The following CASK variants were observed in gnomAD, a reference collection of about 807,000 sequenced individuals.
CASK encodes the protein calcium/calmodulin dependent serine protein kinase.
A neutral mutation model predicts 82.9 loss-of-function variants in CASK; 4 were observed. The ratio of observed to expected loss-of-function variants is 0.05; its 90% CI spans 0.02 to 0.11. The LOEUF (loss-of-function observed/expected upper bound fraction) is 0.11, where lower values mean the gene tolerates loss of function less well. Ranked by LOEUF, CASK falls within the 10% of genes least tolerant of loss-of-function variation. CASK has a pLI of 1.00. For missense variants in CASK, 358 were observed against 720.9 expected (o/e 0.50, Z 5.76); for synonymous variants, 259 against 253.5 (o/e 1.02, Z -0.20).
chrX:41,630,726 T>C (rs1438956164), intron 9 of CASK, among the ~76,000 whole-genome samples: 1 of 110,384 alleles, frequency 9.1e-6, no homozygotes, highest in Non-Finnish European at 1.9e-5. Flanking sequence ...CCAATAGGAG[T>C]GTGACAAAGA....
intron 12 of CASK, among the ~76,000 whole-genome samples, chrX:41,597,926 G>C (rs998383820): frequency 9.0e-6 from 1 of 110,656 alleles, no homozygotes; most frequent in African/African-American, 3.3e-5. Flanking sequence ...ACTGCTTGAG[G>C]CTAGGTGTTT....
At chrX:41,835,054 C>G (rs1156481492) in intron 2 of CASK, among the ~76,000 whole-genome samples, 2 of 111,847 alleles carry the variant, frequency 1.8e-5, no homozygotes, top group Non-Finnish European at 3.8e-5. Context: ...TTTCTATTCC[C>G]ACAGCTTCCT....
chrX:41,793,693 T>A (rs1331452458), intron 2 of CASK, among the ~76,000 whole-genome samples: 1 of 112,094 alleles, frequency 8.9e-6, no homozygotes, highest in Admixed American at 9.5e-5. Context: ...CTAGGACAAG[T>A]ACTAATGTGT....
intron 1 of CASK, among the ~76,000 whole-genome samples, chrX:41,886,804 T>C (rs1024964911): frequency 9.0e-6 from 1 of 111,564 alleles, no homozygotes; most frequent in East Asian, 2.8e-4. Context: ...AGTTGGCTGA[T>C]ACAGATAGAA....
At chrX:41,848,570 T>A (rs939299747) in intron 2 of CASK, among the ~76,000 whole-genome samples, 1 of 112,092 alleles carries the variant, frequency 8.9e-6, no homozygotes, top group African/African-American at 3.2e-5. Flanking sequence ...TCATGCTTCT[T>A]GTACAGCCTG....
At chrX:41,566,491 A>T (rs369583049) in intron 16 of CASK, among the ~76,000 whole-genome samples, 6 of 111,608 alleles carry the variant, frequency 5.4e-5, no homozygotes, top group African/African-American at 9.8e-5. Context: ...CACAATTGCT[A>T]CAAAGAGAAT....
chrX:41,736,497 A>C (rs12397309), intron 5 of CASK, among the ~76,000 whole-genome samples: 2,346 of 111,699 alleles, frequency 0.021, 65 homozygotes, highest in African/African-American at 0.072. Flanking sequence ...GAGACCCTGT[A>C]TCAAAAAACA....
chrX:41,764,708 T>C (rs2069075897), intron 3 of CASK, among the ~76,000 whole-genome samples: 1 of 111,824 alleles, frequency 8.9e-6, no homozygotes, highest in South Asian at 3.8e-4. Flanking sequence ...CACTGATCTA[T>C]CCTAGCCATC....
chrX:41,799,455 G>C (rs1187205195), intron 2 of CASK, among the ~76,000 whole-genome samples: 1 of 110,498 alleles, frequency 9.0e-6, no homozygotes, highest in Non-Finnish European at 1.9e-5. Flanking sequence ...CAGGGGACTC[G>C]CTTGAACCCG....
intron 3 of CASK, among the ~76,000 whole-genome samples, chrX:41,762,967 CT>C (rs1457016063): frequency 9.0e-6 from 1 of 111,241 alleles, no homozygotes; most frequent in Non-Finnish European, 1.9e-5. Context: ...CAGTGGGCTT[CT>C]GTTTGCCACT....
chrX:41,650,458 G>GT (rs559252609), intron 8 of CASK, among the ~76,000 whole-genome samples: 11,974 of 102,576 alleles, frequency 0.12, 714 homozygotes, highest in Middle Eastern at 0.18. Flanking sequence ...GTTTTTTTTT[G>GT]TTTTTTTTTG....
intron 7 of CASK, among the ~76,000 whole-genome samples, chrX:41,661,821 T>G (rs974774922): frequency 9.1e-6 from 1 of 110,457 alleles, no homozygotes; most frequent in African/African-American, 3.3e-5. Flanking sequence ...TTGGGAGGGA[T>G]GAAATCCCAC....
rs765051949 is a variant in CASK at position 41,727,467 on chromosome X, C to T, written c.429+11917G>A. Reference sequence around the variant, plus strand: ...ATGGCCATTTACTGAAAAAATTTCGCCAGCCCAACTTTGCTAGAAAACTAT... The same window carrying T: ...ATGGCCATTTACTGAAAAAATTTCGTCAGCCCAACTTTGCTAGAAAACTAT... On this transcript the variant is annotated intron_variant, in intron 5 of 26. Coordinates refer to ENST00000378163, the MANE Select transcript of CASK (RefSeq NM_001367721.1). 6 of 1,207,124 alleles carry T rather than the reference C, an allele frequency of 5.0e-6. No individual in the cohort carries two copies. In the Admixed American group the frequency reaches 1.3e-4, roughly 26 times the overall value.
chrX:41,788,251 G>A (rs1207520504), intron 2 of CASK, among the ~76,000 whole-genome samples: 1 of 102,021 alleles, frequency 9.8e-6, no homozygotes, highest in African/African-American at 3.3e-5. Context: ...AATGTATGTA[G>A]GACTACTGTG....
chrX:41,807,347 C>T (rs778839732), intron 2 of CASK, among the ~76,000 whole-genome samples: 16 of 111,475 alleles, frequency 1.4e-4, no homozygotes, highest in African/African-American at 4.9e-4. Context: ...AAGGAAGATG[C>T]CATCAGAACC....
intron 3 of CASK, among the ~76,000 whole-genome samples, chrX:41,773,003 G>GTCAA (rs1454350111): frequency 1.8e-5 from 2 of 111,281 alleles, no homozygotes; most frequent in African/African-American, 6.5e-5. Flanking sequence ...CTCCATCTCA[G>GTCAA]TCAATCAATC....
intron 5 of CASK, chrX:41,727,317 A>G: frequency 8.3e-7 from 1 of 1,207,568 alleles, no homozygotes. Flanking sequence ...TGGGAACTCT[A>G]TCCATGCATG....
chrX:41,637,143 G>T (rs1219638882), intron 8 of CASK, among the ~76,000 whole-genome samples: 2 of 108,910 alleles, frequency 1.8e-5, no homozygotes, highest in Non-Finnish European at 3.8e-5. Context: ...AATAGAGAAG[G>T]AGTATTGCTA....
intron 26 of CASK, among the ~76,000 whole-genome samples, chrX:41,521,729 C>G (rs928965563): frequency 8.9e-6 from 1 of 112,211 alleles, no homozygotes; most frequent in Non-Finnish European, 1.9e-5. Flanking sequence ...CTGCCAAACA[C>G]TAGGTGGGTG....
Sources: gnomAD v4.1 joint callset for allele counts (sites outside exome capture counted in the v4.1 genomes callset) on GRCh38, gnomAD v4.1.1 for gene constraint, MANE v1.5 for transcripts, NCBI Gene and HGNC (gene_info 2026-07-23, HGNC 2026-07-21) for gene names.